The following POU2F3 variants were observed in gnomAD, a reference collection of about 807,000 sequenced individuals.
The protein encoded by POU2F3 is POU domain, class 2, transcription factor 3.
A neutral mutation model predicts 59.2 loss-of-function variants in POU2F3; 23 were observed. The ratio of observed to expected loss-of-function variants is 0.39; its 90% confidence interval spans 0.28 to 0.55. POU2F3 has a LOEUF of 0.55. Ranked by LOEUF, POU2F3 falls within the 20% of genes least tolerant of loss-of-function variation. POU2F3 has a pLI of 0.66. For missense variants in POU2F3, 473 were observed against 544.5 expected (o/e 0.87, Z 1.31); for synonymous variants, 190 against 214.6 (o/e 0.89, Z 1.00).
Position 120,305,674 on chromosome 11 carries a change from T to A in POU2F3, c.658T>A (p.Tyr220Asn), listed in dbSNP as rs776173741. ...GDVGLAMGKL[Y>N]GNDFSQTTIS... is the part of the protein sequence containing the mutation. ...TGTGGGGCTGGCGATGGGAAAGCTG[T>A]ATGGCAACGACTTCAGCCAGACCAC... Residue 220 changes from tyrosine to asparagine, a missense_variant, in exon 8 of 13, where the codon TAT becomes AAT. Coordinates refer to ENST00000543440, the MANE Select transcript of POU2F3 (RefSeq NM_014352.4). 6.2e-7 allele frequency: 1 copy of A among 1,613,946 alleles called. No individual in the cohort carries two copies. The highest frequency in any genetic ancestry group is 8.5e-7 in the Non-Finnish European group (1 of 1,180,024).
upstream of POU2F3, among the ~76,000 whole-genome samples, chr11:120,239,890 A>G (rs1180392780): frequency 6.6e-6 from 1 of 152,194 alleles, no homozygotes; most frequent in African/African-American, 2.4e-5. Flanking sequence ...AGGGCTTCCT[A>G]AAAAGGGCGA....
chr11:120,258,859 C>G (rs1347628354), intron 2 of POU2F3: 1 of 152,416 alleles, frequency 6.6e-6, no homozygotes, highest in East Asian at 1.9e-4. Flanking sequence ...GTGTGGCCAA[C>G]AGGGGATGGG....
chr11:120,259,298 G>T (rs1939496322), intron 2 of POU2F3: 1 of 152,208 alleles, frequency 6.6e-6, no homozygotes, highest in African/African-American at 2.4e-5. Context: ...ACTGTCAGGG[G>T]TAGAGAGAAC....
chr11:120,296,863 CAT>C (rs1307588498), intron 3 of POU2F3, among the ~76,000 whole-genome samples: 4 of 152,140 alleles, frequency 2.6e-5, no homozygotes, highest in Non-Finnish European at 4.4e-5. Context: ...ATAACCCGTG[CAT>C]ATGTCTTTAT....
At chr11:120,252,264 T>C (rs1363862691) in intron 2 of POU2F3, among the ~76,000 whole-genome samples, 2 of 149,284 alleles carry the variant, frequency 1.3e-5, no homozygotes, top group Non-Finnish European at 3.0e-5. Context: ...TAGAGTGTAA[T>C]GGCACGATCT....
chr11:120,279,251 T>C (rs2135227580), intron 3 of POU2F3, among the ~76,000 whole-genome samples: 1 of 152,220 alleles, frequency 6.6e-6, no homozygotes, highest in Non-Finnish European at 1.5e-5. Flanking sequence ...TCATATTGTC[T>C]GTATTGGTCA....
At position 120,285,853 on chromosome 11, in the gene POU2F3, A is replaced by G. The variant is rs1591416300; in HGVS notation, c.133-12412A>G. 6.6e-6 allele frequency among the ~76,000 whole-genome samples: 1 copy of G among 151,954 alleles called. No individual in the cohort carries two copies. Among genetic ancestry groups the G allele is most frequent in the African/African-American group, 2.4e-5 (1 of 41,374 alleles). On this transcript the variant is annotated intron_variant, in intron 3 of 12. Coordinates refer to ENST00000543440, the MANE Select transcript of POU2F3 (RefSeq NM_014352.4). The surrounding 1 kb of genome is among the most constrained non-coding windows in gnomAD (Gnocchi z 4.3). ...CATAGAGAGTTATATGATTTTTGTT[A>G]ATGACCACATAATGTTCTATTGTTT...
At chr11:120,307,655 A>G (rs760461137) in intron 9 of POU2F3, 40 bp downstream of exon 9, 14 of 1,610,478 alleles carry the variant, frequency 8.7e-6, no homozygotes, top group Non-Finnish European at 1.1e-5. Context: ...GGGCTACCTC[A>G]CACAGGTAGG....
At chr11:120,316,004 C>A (rs766048984) in intron 11 of POU2F3, among the ~76,000 whole-genome samples, 2 of 151,780 alleles carry the variant, frequency 1.3e-5, no homozygotes, top group Non-Finnish European at 2.9e-5. Flanking sequence ...TCCCGAGTAA[C>A]TGGGATTACA....
At chr11:120,274,317 G>A (rs545338074) in intron 3 of POU2F3, among the ~76,000 whole-genome samples, 44 of 152,288 alleles carry the variant, frequency 2.9e-4, no homozygotes, top group Non-Finnish European at 4.6e-4. Flanking sequence ...GGGTTATTGT[G>A]AGGGTCAAAT....
intron 1 of POU2F3, among the ~76,000 whole-genome samples, chr11:120,245,105 A>G (rs1159910462): frequency 6.6e-6 from 1 of 151,776 alleles, no homozygotes; most frequent in Non-Finnish European, 1.5e-5. Context: ...AACTCCTTAA[A>G]CCACAGTGAC....
At chr11:120,310,680 T>C (rs1397856607) in intron 10 of POU2F3, among the ~76,000 whole-genome samples, 2 of 152,152 alleles carry the variant, frequency 1.3e-5, no homozygotes, top group Admixed American at 6.5e-5. Flanking sequence ...CCTTCAGTCT[T>C]TCAGCACTGT....
rs780505828 is a variant in POU2F3, at chr11:120,305,230, A to C, written c.627+18A>C. The C allele has an allele frequency of 6.2e-6, 10 of 1,608,074 alleles. No individual in the cohort carries two copies. Among genetic ancestry groups the C allele is most frequent in the Non-Finnish European group, 8.5e-6 (10 of 1,176,656 alleles). On this transcript the variant is annotated intron_variant, in intron 7 of 12. Coordinates refer to ENST00000543440, the MANE Select transcript of POU2F3 (RefSeq NM_014352.4). ...TCACACAGGTTTGGTTTTAGGGGAA[A>C]AGATAGAAGAAGTCTAGCCGAGCGG...
upstream of POU2F3, among the ~76,000 whole-genome samples, chr11:120,237,003 T>C (rs1300469162): frequency 1.3e-5 from 2 of 152,168 alleles, no homozygotes; most frequent in Admixed American, 6.5e-5. Context: ...TCTTTCTACC[T>C]CGTTATCTGA....
At chr11:120,258,957 C>A (rs1013247322) in intron 2 of POU2F3, 6 of 152,296 alleles carry the variant, frequency 3.9e-5, no homozygotes, top group South Asian at 2.1e-4. Context: ...TCCTAACGAA[C>A]AAAGAGACCT....
chr11:120,270,850 G>A (rs1055382780), intron 3 of POU2F3, among the ~76,000 whole-genome samples: 3 of 152,046 alleles, frequency 2.0e-5, no homozygotes, highest in East Asian at 1.9e-4. Context: ...GCACCACCAC[G>A]CTTGGCTAAT....
intron 3 of POU2F3, among the ~76,000 whole-genome samples, chr11:120,283,772 C>CGTGT (rs36099803): frequency 0.15 from 19,308 of 130,226 alleles, 1,580 homozygotes; most frequent in East Asian, 0.21. Flanking sequence ...TAATAGGCTT[C>CGTGT]GTGTGTGTGT....
chr11:120,257,081 G>C (rs890354051), intron 2 of POU2F3: 3 of 152,220 alleles, frequency 2.0e-5, no homozygotes, highest in Non-Finnish European at 2.9e-5. Flanking sequence ...TTACTACAAA[G>C]CTTGGTGCGT....
At chr11:120,253,262 A>T (rs1049633309) in intron 2 of POU2F3, among the ~76,000 whole-genome samples, 2 of 143,668 alleles carry the variant, frequency 1.4e-5, no homozygotes, top group African/African-American at 5.2e-5. Flanking sequence ...AACATTTTTA[A>T]TTTTTTTTTT....
Sources: allele counts gnomAD v4.1 joint callset (sites outside exome capture counted in the v4.1 genomes callset), GRCh38; gene constraint gnomAD v4.1.1; non-coding constraint Gnocchi (gnomAD v3.1); transcripts MANE v1.5; gene names NCBI Gene and HGNC (gene_info 2026-07-23, HGNC 2026-07-21).